B4GALNT2: variants seen among roughly 807,000 people sequenced by gnomAD.
B4GALNT2 encodes the protein N-acetylneuraminylgalactosylglucosyl-glucoside beta-1,4-N- acetylgalactosaminyltransferase 2.
In B4GALNT2, 42 loss-of-function variants were observed where a neutral mutation model predicts 51.1. The ratio of observed to expected loss-of-function variants is 0.82; its 90% CI spans 0.64 to 1.06. The LOEUF is 1.06. Among genes scored for constraint, B4GALNT2 ranks in the 50% least tolerant of loss-of-function variants. The pLI is 0.00. For missense variants in B4GALNT2, 602 were observed against 633.6 expected (o/e 0.95, Z 0.54); for synonymous variants, 253 against 251.7 (o/e 1.01, Z -0.05).
rs1162855658 is a variant in B4GALNT2, at chr17:49,170,770, C to G, written c.*1042C>G. 6.6e-6 allele frequency: 1 copy of G among 152,148 alleles called. No homozygotes were observed. The allele number at this position is 152,148 out of a possible 1,614,324, so 9.4% of individuals were successfully genotyped here. A position where few individuals can be genotyped will look rare whatever the true frequency, so the allele number is the denominator to read the frequency against. On this transcript the variant is annotated 3_prime_UTR_variant, in exon 11 of 11. Transcript: ENST00000393354. ...ACTCACAGACTTCAGAGCTGAGAGC[C>G]CTGAACGGAGTTTGACCCACATATT...
chr17:49,137,142 C>T (rs567583523), intron 1 of B4GALNT2, among the ~76,000 whole-genome samples: 1 of 151,712 alleles, frequency 6.6e-6, no homozygotes, highest in Non-Finnish European at 1.5e-5. Context: ...AAACAACTTC[C>T]AATAGGTATT....
intron 3 of B4GALNT2, 152 bp from the exon 4 acceptor site, chr17:49,152,648 C>G: frequency 1.7e-6 from 1 of 596,510 alleles, no homozygotes; most frequent in East Asian, 3.0e-5. Flanking sequence ...TGCACTCCAG[C>G]CTGGGTGACG....
At chr17:49,158,941 C>A in intron 5 of B4GALNT2, 96 bp from the exon 6 acceptor site, 1 of 1,404,400 alleles carries the variant, frequency 7.1e-7, no homozygotes, top group Non-Finnish European at 9.9e-7. Flanking sequence ...CCCTTATGTG[C>A]TCTGCCCTGG....
chr17:49,132,629 C>A, upstream of B4GALNT2: 2 of 714,668 alleles, frequency 2.8e-6, no homozygotes, highest in Non-Finnish European at 4.0e-6. Flanking sequence ...GATGGGGGCG[C>A]TGGTGTGGGG....
At chr17:49,153,505 T>C (rs1164490501) in intron 4 of B4GALNT2, among the ~76,000 whole-genome samples, 1 of 141,960 alleles carries the variant, frequency 7.0e-6, no homozygotes, top group Admixed American at 7.0e-5. Flanking sequence ...AAGCTTGATG[T>C]GATTTTTTTT....
intron 4 of B4GALNT2, among the ~76,000 whole-genome samples, chr17:49,154,176 T>A (rs2042786179): frequency 1.3e-5 from 2 of 151,856 alleles, no homozygotes. Context: ...AATTTTTGTA[T>A]TTTTAGTAGA....
At chr17:49,157,370 G>T (rs374946136) in intron 5 of B4GALNT2, among the ~76,000 whole-genome samples, 257 of 108,656 alleles carry the variant, frequency 2.4e-3, no homozygotes, top group African/African-American at 8.0e-3. Flanking sequence ...ACCTAGCCTG[G>T]AGTGCAGTGG....
At chr17:49,142,694 A>ACAAAAG (rs1235525363) in intron 3 of B4GALNT2, among the ~76,000 whole-genome samples, 1 of 146,840 alleles carries the variant, frequency 6.8e-6, no homozygotes, top group Non-Finnish European at 1.5e-5. Context: ...TGTGTCTCCA[A>ACAAAAG]CAAAAGCAAA....
upstream of B4GALNT2, among the ~76,000 whole-genome samples, chr17:49,128,474 G>A (rs1052964413): frequency 6.6e-6 from 1 of 152,166 alleles, no homozygotes; most frequent in Admixed American, 6.5e-5. Flanking sequence ...GAGTTTTGAA[G>A]GAAGGAGTTT....
intron 4 of B4GALNT2, among the ~76,000 whole-genome samples, chr17:49,155,566 C>T (rs2042801345): frequency 6.7e-6 from 1 of 149,738 alleles, no homozygotes; most frequent in African/African-American, 2.4e-5. Context: ...TGCGCCACTG[C>T]ACTCCAGCCT....
At chr17:49,149,126 G>A (rs1224453709) in intron 3 of B4GALNT2, 2 of 149,306 alleles carry the variant, frequency 1.3e-5, no homozygotes, top group African/African-American at 5.0e-5. Context: ...GTGGCTGCAG[G>A]GTCTGGGGCC....
chr17:49,158,772 G>A (rs1018409632), intron 5 of B4GALNT2, among the ~76,000 whole-genome samples: 3 of 152,080 alleles, frequency 2.0e-5, no homozygotes, highest in Admixed American at 1.3e-4. Context: ...CAAGAAGAAC[G>A]GAACCCTGCG....
At chr17:49,140,034 TATTA>T (rs1185699117) in intron 1 of B4GALNT2, among the ~76,000 whole-genome samples, 1 of 149,542 alleles carries the variant, frequency 6.7e-6, no homozygotes, top group Non-Finnish European at 1.5e-5. Context: ...CTTTGCCCTA[TATTA>T]ATTTATAAAT....
At chr17:49,135,355 T>G (rs2042580022) in intron 1 of B4GALNT2, among the ~76,000 whole-genome samples, 1 of 151,992 alleles carries the variant, frequency 6.6e-6, no homozygotes, top group Admixed American at 6.6e-5. Flanking sequence ...TCTTTTTTTT[T>G]TTTTTGACGG....
chr17:49,125,648 G>A, the B4GALNT2 span, among the ~76,000 whole-genome samples: 4 of 144,916 alleles, frequency 2.8e-5, no homozygotes, highest in Admixed American at 6.8e-5. Context: ...CCGCGGCCCC[G>A]TCTGGGGGGT....
At chr17:49,143,280 AAAC>A (rs71144577) in intron 3 of B4GALNT2, among the ~76,000 whole-genome samples, 4 of 139,840 alleles carry the variant, frequency 2.9e-5, no homozygotes, top group Non-Finnish European at 4.6e-5. Flanking sequence ...ACAAACAAAC[AAAC>A]AACAACAACA....
chr17:49,130,135 T>C (rs1020611483), upstream of B4GALNT2, among the ~76,000 whole-genome samples: 2 of 152,208 alleles, frequency 1.3e-5, no homozygotes, highest in African/African-American at 2.4e-5. Flanking sequence ...TCTACAACCA[T>C]AGAGGGTTCA....
intron 7 of B4GALNT2, among the ~76,000 whole-genome samples, chr17:49,161,733 T>G (rs906746180): frequency 3.3e-5 from 5 of 151,476 alleles, no homozygotes; most frequent in Admixed American, 2.0e-4. Flanking sequence ...GGCATGCACC[T>G]GTAATCCCAG....
intron 10 of B4GALNT2, 25 bp downstream of exon 10, chr17:49,168,925 A>T: frequency 6.2e-7 from 1 of 1,603,344 alleles, no homozygotes. Context: ...AGAGTGAGGG[A>T]GGGAGCTGGG....
Sources: allele counts gnomAD v4.1 joint callset (sites outside exome capture counted in the v4.1 genomes callset), GRCh38; gene constraint gnomAD v4.1.1; transcripts MANE v1.5; gene names NCBI Gene and HGNC (gene_info 2026-07-23, HGNC 2026-07-21).